RPS6KA5: variants seen among roughly 807,000 people sequenced by gnomAD.
RPS6KA5 encodes the protein ribosomal protein S6 kinase alpha-5.
A neutral mutation model predicts 85.5 loss-of-function variants in RPS6KA5; 27 were observed. The observed-to-expected ratio is 0.32, with a 90% CI of 0.23 to 0.44. The LOEUF is 0.44. RPS6KA5 is among the 20% of genes least tolerant of loss of function. The pLI, the probability that RPS6KA5 is intolerant of heterozygous loss-of-function variation, is 1.00. For missense variants in RPS6KA5, 811 were observed against 980.9 expected, an observed-to-expected ratio of 0.83 and a Z score of 2.31; for synonymous variants, 334 against 348.2, an observed-to-expected ratio of 0.96 and a Z score of 0.46.
Position 90,890,508 on chromosome 14 carries a change from C to A in RPS6KA5, c.1815G>T (p.Leu605=). ...TCACCAAAATGACGCCCAAGCTCCA[C>A]AGGTCACAGGACTCATCGTAGCCGT... The part of the protein sequence containing the change: ...NQNGYDESCD[L]WSLGVILYTM... Residue 605 remains leucine, a synonymous_variant, in exon 14 of 17, where the codon CTG becomes CTT. Coordinates refer to ENST00000614987, the MANE Select transcript of RPS6KA5 (RefSeq NM_004755.4). The A allele has an allele frequency of 6.2e-7, 1 of 1,608,378 alleles. No homozygotes were observed. The highest frequency in any genetic ancestry group is 8.5e-7 in the Non-Finnish European group (1 of 1,177,814).
At chr14:91,034,507 T>C (rs1487334079) in intron 1 of RPS6KA5, among the ~76,000 whole-genome samples, 1 of 151,854 alleles carries the variant, frequency 6.6e-6, no homozygotes, top group Non-Finnish European at 1.5e-5. Flanking sequence ...AACGCACCAA[T>C]CAGCGCTCTG....
At chr14:90,906,333 C>G in intron 7 of RPS6KA5, 34 bp from the exon 8 acceptor site, 1 of 1,434,788 alleles carries the variant, frequency 7.0e-7, no homozygotes, top group Non-Finnish European at 9.2e-7. Context: ...TTAAAACAAA[C>G]AGGATGACAA....
chr14:90,981,806 C>T (rs888810789), intron 2 of RPS6KA5, among the ~76,000 whole-genome samples: 4 of 152,238 alleles, frequency 2.6e-5, no homozygotes, highest in Non-Finnish European at 2.9e-5. Flanking sequence ...GAGTGCCTTA[C>T]GACATTCCAA....
At chr14:90,889,189 G>A (rs1321374962) in intron 14 of RPS6KA5, among the ~76,000 whole-genome samples, 3 of 151,290 alleles carry the variant, frequency 2.0e-5, no homozygotes, top group African/African-American at 7.3e-5. Context: ...AGCTACTCAG[G>A]AGGCTGAGGC....
At chr14:90,950,589 T>C (rs2038121479) in intron 3 of RPS6KA5, among the ~76,000 whole-genome samples, 1 of 152,238 alleles carries the variant, frequency 6.6e-6, no homozygotes, top group Non-Finnish European at 1.5e-5. Flanking sequence ...TTGAGCGTTA[T>C]TATGAAGGAG....
rs892756153 is a variant in RPS6KA5 at position 90,863,631 on chromosome 14, T to C, written c.*8443A>G. On this transcript the variant is annotated 3_prime_UTR_variant, in exon 17 of 17. Coordinates refer to ENST00000614987, the MANE Select transcript of RPS6KA5 (RefSeq NM_004755.4). ...TAATATACCAAAAAAACTATATTTC[T>C]ATAAACTAATTAAAAACAATTTGAT... 2.0e-5 allele frequency: 3 copies of C among 152,092 alleles called. No homozygotes were observed. The highest frequency in any genetic ancestry group is 4.4e-5 in the Non-Finnish European group (3 of 68,008). The allele number at this position is 152,092 out of a possible 1,614,324, so 9.4% of individuals were successfully genotyped here. A position where few individuals can be genotyped will look rare whatever the true frequency, so the allele number is the denominator to read the frequency against.
At chr14:90,982,214 T>G (rs575815287) in intron 2 of RPS6KA5, among the ~76,000 whole-genome samples, 1 of 152,260 alleles carries the variant, frequency 6.6e-6, no homozygotes, top group East Asian at 1.9e-4. Flanking sequence ...GCCCTGACAT[T>G]ATTAGAGTAA....
At position 90,868,445 on chromosome 14, in the gene RPS6KA5, G is replaced by T. The variant is rs2032899250; in HGVS notation, c.*3629C>A. The T allele has an allele frequency of 6.6e-6, 1 of 152,166 alleles. No individual in the cohort carries two copies. The highest frequency in any genetic ancestry group is 1.5e-5 in the Non-Finnish European group (1 of 68,030). 9.4% of individuals were successfully genotyped at this position (152,166 alleles called of 1,614,324 possible). On this transcript the variant is annotated 3_prime_UTR_variant, in exon 17 of 17. Coordinates refer to ENST00000614987, the MANE Select transcript of RPS6KA5 (RefSeq NM_004755.4). The stretch of plus-strand genomic sequence containing the variant: ...GTCATATAATTTTAAGATACTTCAT[G>T]ATGTTACAGTAATAATTCATCTATA...
Position 91,043,227 on chromosome 14 carries a change from G to A in RPS6KA5, c.103+17105C>T, listed in dbSNP as rs567289747. Among the ~76,000 whole-genome samples the A allele has an allele frequency of 2.5e-4, 38 of 151,958 alleles. 1 individual carries two copies. The South Asian group carries it at 7.3e-3, about 29-fold the overall frequency. On this transcript the variant is annotated intron_variant, in intron 1 of 16. Coordinates refer to ENST00000614987, the MANE Select transcript of RPS6KA5 (RefSeq NM_004755.4). ...ATTTCTTAGCAACTCTTTTTCTATC[G>A]ATTCCTTTAATTTTGGGAGTTTTTC...
intron 1 of RPS6KA5, among the ~76,000 whole-genome samples, chr14:91,014,929 A>G (rs2041422905): frequency 6.6e-6 from 1 of 152,224 alleles, no homozygotes. Context: ...TGGGATTTCC[A>G]AATGAAGATG....
At chr14:90,875,427 A>G in intron 14 of RPS6KA5, 67 bp from the exon 15 acceptor site, 1 of 1,411,226 alleles carries the variant, frequency 7.1e-7, no homozygotes, top group South Asian at 1.3e-5. Context: ...TAATAATCCT[A>G]ATAGTAACGT....
At chr14:91,020,534 CTGTGTGTGTGTGTGTGTGTGTGTGTGTG>C (rs34407471) in intron 1 of RPS6KA5, among the ~76,000 whole-genome samples, 4 of 110,056 alleles carry the variant, frequency 3.6e-5, no homozygotes, top group East Asian at 2.9e-4. Flanking sequence ...TAAGGAATGA[CTGTGTGTGTGTGTGTGTGTGTGTGTGTG>C]TGTGTGTGTG....
At chr14:90,895,622 G>A (rs2034795835) in intron 12 of RPS6KA5, among the ~76,000 whole-genome samples, 1 of 152,060 alleles carries the variant, frequency 6.6e-6, no homozygotes, top group Non-Finnish European at 1.5e-5. Flanking sequence ...AAAAAGCAAA[G>A]GGCTATAGAT....
At chr14:90,996,087 C>G (rs2040506475) in intron 2 of RPS6KA5, among the ~76,000 whole-genome samples, 1 of 152,196 alleles carries the variant, frequency 6.6e-6, no homozygotes, top group South Asian at 2.1e-4. Context: ...TCATGGCTCA[C>G]TGTAGCCTCA....
Position 90,859,480 on chromosome 14 carries a change from CAAGAT to C in RPS6KA5, c.*12589_*12593del, listed in dbSNP as rs967055580. 52 of 152,122 alleles carry C rather than the reference CAAGAT, an allele frequency of 3.4e-4. No homozygotes were observed. The highest frequency in any genetic ancestry group is 1.2e-3 in the African/African-American group (51 of 41,496). The allele number at this position is 152,122 out of a possible 1,614,324, so 9.4% of individuals were successfully genotyped here. ...GTGTTCAAGAATATAGAGGAAAAGACAAGATATGATCAGAGACTTGGCACCTACAA... is the reference window on the plus strand; with the variant it reads ...GTGTTCAAGAATATAGAGGAAAAGACATGATCAGAGACTTGGCACCTACAA... On this transcript the variant is annotated 3_prime_UTR_variant, in exon 17 of 17. Transcript: ENST00000614987.
rs115371284 is a variant in RPS6KA5, at chr14:90,920,448, T to C, written c.703-139A>G. The stretch of plus-strand genomic sequence containing the variant: ...ACACCTCCTTCTATGTAAGGAGTAT[T>C]AAATTAACACATGCAAGAAAGACAT... On this transcript the variant is annotated intron_variant, in intron 6 of 16. Transcript: ENST00000614987. 2.6e-4 allele frequency: 160 copies of C among 612,686 alleles called. No homozygotes were observed. The African/African-American group carries it at 2.7e-3, about 10-fold the overall frequency. 38.0% of individuals were successfully genotyped at this position (612,686 alleles called of 1,614,324 possible). A position where few individuals can be genotyped will look rare whatever the true frequency, so the allele number is the denominator to read the frequency against.
chr14:91,057,529 G>A (rs771332710), intron 1 of RPS6KA5, among the ~76,000 whole-genome samples: 14 of 145,530 alleles, frequency 9.6e-5, no homozygotes, highest in Admixed American at 5.4e-4. Flanking sequence ...TTATAGTACC[G>A]TGTGTTAACT....
At chr14:91,052,930 C>T (rs1414546221) in intron 1 of RPS6KA5, among the ~76,000 whole-genome samples, 1 of 150,798 alleles carries the variant, frequency 6.6e-6, no homozygotes, top group Non-Finnish European at 1.5e-5. Context: ...AAAAAGAACA[C>T]TACAAAGATT....
chr14:90,921,341 A>G (rs1227672213), intron 6 of RPS6KA5, among the ~76,000 whole-genome samples: 1 of 152,174 alleles, frequency 6.6e-6, no homozygotes, highest in Non-Finnish European at 1.5e-5. Flanking sequence ...TGCATACATT[A>G]TATCATTTAA....
Sources: gnomAD v4.1 joint callset for allele counts (sites outside exome capture counted in the v4.1 genomes callset) on GRCh38, gnomAD v4.1.1 for gene constraint, MANE v1.5 for transcripts, NCBI Gene and HGNC (gene_info 2026-07-23, HGNC 2026-07-21) for gene names.